Variants in MEMO1 observed in about 807,000 individuals in gnomAD.
MEMO1 encodes the protein mediator of cell motility 1, also known as protein MEMO1.
MEMO1 carries 6 observed loss-of-function variants against 45.2 expected under a neutral mutation model. That is an observed-to-expected ratio of 0.13 (90% CI 0.07 to 0.26). The LOEUF is 0.26. Among genes scored for constraint, MEMO1 ranks in the 10% least tolerant of loss-of-function variants. MEMO1 has a pLI of 1.00. For synonymous variants in MEMO1, 78 were observed against 124.3 expected (o/e 0.63, Z 2.48); for missense variants, 184 against 370.5 (o/e 0.50, Z 4.13).
intron 3 of MEMO1, among the ~76,000 whole-genome samples, chr2:31,936,637 G>C (rs1664956463): frequency 6.6e-6 from 1 of 152,092 alleles, no homozygotes; most frequent in Non-Finnish European, 1.5e-5. Context: ...TTCCAATGTG[G>C]GTATAATTCA....
At chr2:31,960,459 C>G (rs1311257762) in intron 2 of MEMO1, among the ~76,000 whole-genome samples, 5 of 152,140 alleles carry the variant, frequency 3.3e-5, no homozygotes, top group Admixed American at 3.3e-4. Flanking sequence ...AATAATTACA[C>G]TGTACCCTGC....
chr2:31,937,628 G>C (rs1254186177), intron 3 of MEMO1, among the ~76,000 whole-genome samples: 2 of 152,082 alleles, frequency 1.3e-5, no homozygotes, highest in Non-Finnish European at 2.9e-5. Flanking sequence ...CATGCACACA[G>C]TAAAAAAGTC....
chr2:31,990,496 G>C (rs555896232), intron 2 of MEMO1, among the ~76,000 whole-genome samples: 1 of 151,704 alleles, frequency 6.6e-6, no homozygotes, highest in Non-Finnish European at 1.5e-5. Flanking sequence ...CTGTCACCCA[G>C]GCTCGAGTGC....
In MEMO1 at chr2:31,993,945, C is replaced by T. The variant is rs184754530; in HGVS notation, c.61+16242G>A. ...CAGAAATACAGAAATATCATCAATA[C>T]TTTCTTTTTTTTTTTTTTTTTTTTT... is the stretch of plus-strand genomic sequence containing the variant. On this transcript the variant is annotated intron_variant, in intron 2 of 9. Transcript: ENST00000404530. Among the ~76,000 whole-genome samples, 1,031 of 124,568 alleles carry T rather than the reference C, an allele frequency of 8.3e-3. 8 individuals carry two copies. Among genetic ancestry groups the T allele is most frequent in the Non-Finnish European group, 0.012 (734 of 60,148 alleles). The allele number at this position is 124,568 out of a possible 152,430, so 81.7% of individuals were successfully genotyped here.
At chr2:31,907,703 A>T (rs1305228970) in intron 6 of MEMO1, among the ~76,000 whole-genome samples, 1 of 151,998 alleles carries the variant, frequency 6.6e-6, no homozygotes, top group African/African-American at 2.4e-5. Flanking sequence ...TGAGGTAGGA[A>T]GATCACTTGA....
intron 2 of MEMO1, among the ~76,000 whole-genome samples, chr2:31,992,931 C>G (rs1002693425): frequency 1.3e-5 from 2 of 151,610 alleles, no homozygotes; most frequent in African/African-American, 2.4e-5. Context: ...TATTTGAAAA[C>G]TATGGAAAAA....
In MEMO1 at chr2:31,937,799, T is replaced by TA. The variant is rs138824635; in HGVS notation, c.143+5502dup. On this transcript the variant is annotated intron_variant, in intron 3 of 9. Transcript: ENST00000404530. Reference sequence around the variant, plus strand: ...AATATTCAAAGTACCTGTTTTATAGTAAAAAAAATTCATGTTAACCAATTA... The same window carrying TA: ...AATATTCAAAGTACCTGTTTTATAGTAAAAAAAAATTCATGTTAACCAATTA... 7.6e-3 allele frequency among the ~76,000 whole-genome samples: 1,151 copies of TA among 152,172 alleles called. 12 individuals carry two copies. The highest frequency in any genetic ancestry group is 0.013 in the Admixed American group (205 of 15,280).
At chr2:31,964,656 C>A (rs1309801618) in intron 2 of MEMO1, among the ~76,000 whole-genome samples, 1 of 151,968 alleles carries the variant, frequency 6.6e-6, no homozygotes, top group African/African-American at 2.4e-5. Flanking sequence ...AGCCGAGATT[C>A]CGCCATTGCA....
intron 2 of MEMO1, among the ~76,000 whole-genome samples, chr2:31,983,318 T>G (rs1358207079): frequency 6.6e-6 from 1 of 152,202 alleles, no homozygotes; most frequent in Non-Finnish European, 1.5e-5. Flanking sequence ...GAAAGAGATA[T>G]GTGTGTACAT....
At chr2:31,939,164 A>G (rs1665312053) in intron 3 of MEMO1, among the ~76,000 whole-genome samples, 1 of 152,124 alleles carries the variant, frequency 6.6e-6, no homozygotes, top group African/African-American at 2.4e-5. Context: ...TGGAAACCAT[A>G]TAAGATAAAA....
Position 32,002,180 on chromosome 2 carries a change from T to TACACAC in MEMO1, c.61+8006_61+8007insGTGTGT, listed in dbSNP as rs753814451. On this transcript the variant is annotated intron_variant, in intron 2 of 9. Coordinates refer to ENST00000404530, the MANE Select transcript of MEMO1 (RefSeq NM_001301833.4). ...AAAAAAAAAAAAAAATATATATATA[T>TACACAC]ATATATACACACACACACACACATG... is the stretch of plus-strand genomic sequence containing the variant. 6.3e-5 allele frequency among the ~76,000 whole-genome samples: 8 copies of TACACAC among 127,464 alleles called. No homozygotes were observed. In the South Asian group the frequency reaches 1.3e-3, roughly 20 times the overall value. The allele number at this position is 127,464 out of a possible 152,430, so 83.6% of individuals were successfully genotyped here.
chr2:31,942,473 G>A lies in MEMO1; in HGVS notation c.143+829C>T, dbSNP rs561700830. On this transcript the variant is annotated intron_variant, in intron 3 of 9. Coordinates refer to ENST00000404530, the MANE Select transcript of MEMO1 (RefSeq NM_001301833.4). ...AGTTTTATTATCAAAAATACATTTC[G>A]AAATTACTCTATCTGAGGAAATAAA... Among the ~76,000 whole-genome samples the A allele has an allele frequency of 2.6e-5, 4 of 151,992 alleles. No individual in the cohort carries two copies. In the South Asian group the frequency reaches 6.2e-4, roughly 24 times the overall value.
chr2:31,969,397 G>C (rs1395510358), intron 2 of MEMO1, among the ~76,000 whole-genome samples: 2 of 145,870 alleles, frequency 1.4e-5, no homozygotes, highest in Non-Finnish European at 3.0e-5. Flanking sequence ...ATATATACGT[G>C]TATATACATA....
At chr2:31,909,237 C>A (rs1272561869) in intron 6 of MEMO1, among the ~76,000 whole-genome samples, 2 of 152,168 alleles carry the variant, frequency 1.3e-5, no homozygotes, top group African/African-American at 2.4e-5. Flanking sequence ...TTCAATTCAA[C>A]ATAGTACTGG....
chr2:31,920,642 T>C (rs984019893), intron 5 of MEMO1, among the ~76,000 whole-genome samples, 156 bp downstream of exon 5: 1 of 152,086 alleles, frequency 6.6e-6, no homozygotes, highest in African/African-American at 2.4e-5. Context: ...TATGGAAGAG[T>C]TTCTTTTTTT....
At chr2:31,896,672 T>C (rs1677864030) in intron 6 of MEMO1, among the ~76,000 whole-genome samples, 1 of 152,124 alleles carries the variant, frequency 6.6e-6, no homozygotes, top group Admixed American at 6.5e-5. Context: ...AGTTGATAAC[T>C]GAATTTAACA....
chr2:31,982,825 T>C (rs749218647), intron 2 of MEMO1, among the ~76,000 whole-genome samples: 12 of 151,944 alleles, frequency 7.9e-5, no homozygotes, highest in Non-Finnish European at 1.6e-4. Context: ...AGATGGTGGG[T>C]GGGAGCCAGG....
chr2:31,921,218 C>T (rs948130913), intron 4 of MEMO1, among the ~76,000 whole-genome samples: 1 of 152,100 alleles, frequency 6.6e-6, no homozygotes, highest in Non-Finnish European at 1.5e-5. Context: ...CAGAAGTATG[C>T]CTGCACAGAG....
chr2:31,891,955 T>C, intron 7 of MEMO1, 37 bp downstream of exon 7: 2 of 1,581,606 alleles, frequency 1.3e-6, no homozygotes, highest in South Asian at 2.3e-5. Context: ...CAGAAGTATA[T>C]AACATCTACC....
Sources: allele counts gnomAD v4.1 joint callset (sites outside exome capture counted in the v4.1 genomes callset), GRCh38; gene constraint gnomAD v4.1.1; transcripts MANE v1.5; gene names NCBI Gene and HGNC (gene_info 2026-07-23, HGNC 2026-07-21).